The following LOXHD1 variants were observed in gnomAD, a reference collection of about 807,000 sequenced individuals.
The protein encoded by LOXHD1 is lipoxygenase homology PLAT domains 1, also known as lipoxygenase homology domain-containing protein 1.
A neutral mutation model predicts 248.2 loss-of-function variants in LOXHD1; 205 were observed. The observed-to-expected ratio is 0.83, with a 90% CI of 0.74 to 0.93. The LOEUF is 0.93. Among genes scored for constraint, LOXHD1 ranks in the 40% least tolerant of loss-of-function variants. LOXHD1 has a pLI of 0.00. For missense variants in LOXHD1, 2,930 were observed against 2,971.6 expected (o/e 0.99, Z 0.33); for synonymous variants, 1,113 against 1,162.8 (o/e 0.96, Z 0.87).
intron 33 of LOXHD1, chr18:46,520,360 T>C (rs2144115442): frequency 2.1e-6 from 1 of 470,028 alleles, no homozygotes; most frequent in Non-Finnish European, 4.4e-6. Context: ...GTACCAGAGA[T>C]AAGGGCTGGG....
intron 37 of LOXHD1, among the ~76,000 whole-genome samples, chr18:46,500,098 T>TC (rs1458094092): frequency 6.6e-6 from 1 of 152,086 alleles, no homozygotes; most frequent in East Asian, 1.9e-4. Flanking sequence ...CTTTTCTTCT[T>TC]CCCCCTCCTC....
At chr18:46,608,536 A>C (rs2038457032) in intron 6 of LOXHD1, among the ~76,000 whole-genome samples, 1 of 152,194 alleles carries the variant, frequency 6.6e-6, no homozygotes, top group African/African-American at 2.4e-5. Flanking sequence ...ACTTCAAGGT[A>C]CCTGTTCTGT....
chr18:46,630,194 T>A (rs2038802154), intron 4 of LOXHD1, among the ~76,000 whole-genome samples: 2 of 152,164 alleles, frequency 1.3e-5, no homozygotes, highest in South Asian at 4.1e-4. Flanking sequence ...TTGTGCTGGG[T>A]TCTGACAGCC....
chr18:46,651,851 A>T (rs8094807), intron 1 of LOXHD1, among the ~76,000 whole-genome samples: 10,998 of 152,256 alleles, frequency 0.072, 531 homozygotes, highest in African/African-American at 0.12. Flanking sequence ...TAAGAAGATA[A>T]GTGTACACTT....
chr18:46,520,611 T>C (rs1481686598), intron 33 of LOXHD1: 2 of 283,752 alleles, frequency 7.0e-6, no homozygotes, highest in East Asian at 2.0e-4. Context: ...TTAAGGAGGG[T>C]ATTGTGTGGA....
chr18:46,608,135 G>A (rs2038450452), intron 6 of LOXHD1, among the ~76,000 whole-genome samples: 1 of 150,342 alleles, frequency 6.7e-6, no homozygotes, highest in South Asian at 2.1e-4. Context: ...TGTCTGGCAA[G>A]ACTTTTGAAT....
chr18:46,557,860 T>C, intron 20 of LOXHD1: 2 of 1,229,072 alleles, frequency 1.6e-6, no homozygotes, highest in Non-Finnish European at 2.0e-6. Context: ...TGTGTGCAGG[T>C]GTGTGCATAA....
chr18:46,608,718 T>C (rs745700377), intron 6 of LOXHD1, among the ~76,000 whole-genome samples: 14 of 152,238 alleles, frequency 9.2e-5, no homozygotes, highest in Non-Finnish European at 1.8e-4. Flanking sequence ...AGCCTCCTGG[T>C]ACCCTCCAGG....
chr18:46,529,342 G>C lies in LOXHD1; in HGVS notation c.4376-11C>G. The stretch of plus-strand genomic sequence containing the variant: ...CCGAGTACAGCACAACTGGGCAGGT[G>C]GTGGGACAGACAGACAGACAAAGGG... On this transcript the variant is annotated splice_polypyrimidine_tract_variant and intron_variant, in intron 28 of 40. Transcript: ENST00000642948. 1 of 1,528,504 alleles carries C rather than the reference G, an allele frequency of 6.5e-7. No homozygotes were observed. The highest frequency in any genetic ancestry group is 1.4e-5 in the African/African-American group (1 of 72,698). 94.7% of individuals were successfully genotyped at this position (1,528,504 alleles called of 1,614,324 possible). A position where few individuals can be genotyped will look rare whatever the true frequency, so the allele number is the denominator to read the frequency against.
In LOXHD1 at chr18:46,477,873, T is replaced by C; in HGVS notation, c.6421A>G (p.Thr2141Ala). The stretch of plus-strand genomic sequence containing the variant: ...TGGACCTTGCTGGCAAAGCTCTCTG[T>C]CGTCTTGGTAACCTCGAATACCTTG... ...YFKVFEVTKT[T>A]ESFASKVQSL... Residue 2141 changes from threonine (T) to alanine (A), a missense_variant, in exon 41 of 41, where the codon ACA (threonine) becomes GCA (alanine). Physicochemically the swap from Thr to Ala is moderately conservative, Grantham distance 58. Coordinates refer to ENST00000642948, the MANE Select transcript of LOXHD1 (RefSeq NM_001384474.1). 6.4e-7 allele frequency: 1 copy of C among 1,551,816 alleles called. No homozygotes were observed. Among genetic ancestry groups the C allele is most frequent in the Non-Finnish European group, 8.7e-7 (1 of 1,147,024 alleles).
intron 36 of LOXHD1, among the ~76,000 whole-genome samples, chr18:46,506,453 C>T (rs765879569): frequency 8.5e-5 from 13 of 152,204 alleles, no homozygotes; most frequent in Non-Finnish European, 1.8e-4. Context: ...TACACTAGAG[C>T]TTCATATCAT....
intron 40 of LOXHD1, among the ~76,000 whole-genome samples, chr18:46,478,520 C>T (rs117405702): frequency 0.014 from 2,188 of 152,294 alleles, 22 homozygotes; most frequent in Non-Finnish European, 0.022. Context: ...CTCTATGAAG[C>T]AGCCATGTGA....
At chr18:46,495,445 A>AC in intron 37 of LOXHD1, among the ~76,000 whole-genome samples, 2 of 126,734 alleles carry the variant, frequency 1.6e-5, no homozygotes, top group East Asian at 6.5e-4. Flanking sequence ...GAAAATCACC[A>AC]TTTGTAACCT....
At chr18:46,598,931 A>C (rs915401934) in intron 8 of LOXHD1, among the ~76,000 whole-genome samples, 1 of 152,180 alleles carries the variant, frequency 6.6e-6, no homozygotes, top group Non-Finnish European at 1.5e-5. Context: ...GGGATTTGGC[A>C]AAATAAATAA....
chr18:46,492,200 C>T (rs1338745506), intron 37 of LOXHD1, among the ~76,000 whole-genome samples: 1 of 152,216 alleles, frequency 6.6e-6, no homozygotes, highest in Admixed American at 6.5e-5. Context: ...AGTAGACTCA[C>T]AGGTACAGCA....
At chr18:46,492,271 G>A (rs1264731357) in intron 37 of LOXHD1, among the ~76,000 whole-genome samples, 1 of 152,190 alleles carries the variant, frequency 6.6e-6, no homozygotes, top group East Asian at 1.9e-4. Context: ...CTTAGCAGAT[G>A]TATTAGTTTG....
intron 29 of LOXHD1, among the ~76,000 whole-genome samples, chr18:46,525,124 C>A (rs1038753243): frequency 3.9e-5 from 6 of 152,210 alleles, no homozygotes; most frequent in African/African-American, 1.4e-4. Context: ...TTGCAGTCCA[C>A]TTATATGTGT....
chr18:46,507,623 C>T lies in LOXHD1; in HGVS notation c.5607G>A (p.Val1869=). Residue 1869 remains valine (V), a synonymous_variant, in exon 36 of 41, where the codon GTG becomes GTA. Transcript: ENST00000642948. ...LSQRKGKKTL[V]CEMCAVIDEE... ...CATCGATAACGGCACACATTTCACA[C>T]ACCAGGGTCTTCTTGCCCTTCCGCT... The T allele has an allele frequency of 6.4e-7, 1 of 1,551,760 alleles. No individual in the cohort carries two copies. The highest frequency in any genetic ancestry group is 8.7e-7 in the Non-Finnish European group (1 of 1,147,006).
intron 37 of LOXHD1, among the ~76,000 whole-genome samples, chr18:46,501,000 CTTGT>C (rs1201272090): frequency 6.6e-6 from 1 of 152,136 alleles, no homozygotes. Context: ...AAATTAATTA[CTTGT>C]TTAATACATG....
Sources: allele counts gnomAD v4.1 joint callset (sites outside exome capture counted in the v4.1 genomes callset), GRCh38; gene constraint gnomAD v4.1.1; transcripts MANE v1.5; gene names NCBI Gene and HGNC (gene_info 2026-07-23, HGNC 2026-07-21).